The following PGM1 variants were observed in gnomAD, a reference collection of about 807,000 sequenced individuals.
PGM1 encodes phosphoglucomutase 1, also known as phosphoglucomutase-1.
In PGM1, 52 loss-of-function variants were observed where a neutral mutation model predicts 55.6. The observed-to-expected ratio is 0.94, with a 90% CI of 0.75 to 1.18. The LOEUF (loss-of-function observed/expected upper bound fraction) is 1.18, where lower values mean the gene tolerates loss of function less well. PGM1 is among the 50% of genes most tolerant of loss of function. The pLI, the probability that PGM1 is intolerant of heterozygous loss-of-function variation, is 0.00. For synonymous variants in PGM1, 287 were observed against 271.7 expected (o/e 1.06, Z -0.55); for missense variants, 724 against 729.3 (o/e 0.99, Z 0.08).
chr1:63,601,382 G>A (rs1436567983), intron 1 of PGM1, among the ~76,000 whole-genome samples: 1 of 152,216 alleles, frequency 6.6e-6, no homozygotes. Flanking sequence ...TCACAGTGGT[G>A]TAGTCTGGAC....
At chr1:63,626,411 A>AC (rs1334691866) in intron 1 of PGM1, among the ~76,000 whole-genome samples, 1 of 152,060 alleles carries the variant, frequency 6.6e-6, no homozygotes, top group Non-Finnish European at 1.5e-5. Context: ...CCTCTGTACT[A>AC]CTTTCTGTCT....
intron 4 of PGM1, among the ~76,000 whole-genome samples, chr1:63,633,675 C>CT (rs200102674): frequency 0.094 from 13,780 of 147,024 alleles, 691 homozygotes; most frequent in African/African-American, 0.13. Context: ...TTTTTATTTT[C>CT]TTTTTTTTTT....
intron 1 of PGM1, among the ~76,000 whole-genome samples, chr1:63,610,973 G>A (rs860606): frequency 0.78 from 118,005 of 152,000 alleles, 46,295 homozygotes; most frequent in South Asian, 0.89. Context: ...TGGTTCTGGT[G>A]AATAGTTGAT....
At chr1:63,626,383 C>A (rs1649015703) in intron 1 of PGM1, among the ~76,000 whole-genome samples, 1 of 152,154 alleles carries the variant, frequency 6.6e-6, no homozygotes, top group South Asian at 2.1e-4. Flanking sequence ...CATTTCCACT[C>A]CCACCAGCCT....
chr1:63,633,759 C>T (rs1396804069), intron 4 of PGM1, among the ~76,000 whole-genome samples: 1 of 150,596 alleles, frequency 6.6e-6, no homozygotes, highest in Non-Finnish European at 1.5e-5. Flanking sequence ...CCTCCGCCTC[C>T]GAAGTTCAAG....
At position 63,629,546 on chromosome 1, in the gene PGM1, C is replaced by T. The variant is rs753658892; in HGVS notation, c.368C>T (p.Pro123Leu). 3 of 1,613,848 alleles carry T rather than the reference C, an allele frequency of 1.9e-6. No homozygotes were observed. Among genetic ancestry groups the T allele is most frequent in the Non-Finnish European group, 1.7e-6 (2 of 1,179,836 alleles). The change falls in exon 2 of 11, where the codon CCC (proline) becomes CTC (leucine). Residue 123 changes from proline to leucine, a missense_variant. Pro to Leu is a moderately conservative substitution (Grantham distance 98). This residue lies in a region of PGM1 where 379 missense variants were observed against 357.5 expected (regional missense o/e 1.06). Transcript: ENST00000371084. Reference protein sequence around the residue: ...ILTASHNPGGPNGDFGIKFNI... With the variant: ...ILTASHNPGGLNGDFGIKFNI... ...ACAGCCAGTCACAACCCAGGGGGCC[C>T]CAATGGAGATTTTGGAATCAAATTC...
chr1:63,612,656 T>C (rs1024878590), intron 1 of PGM1, among the ~76,000 whole-genome samples: 3 of 152,188 alleles, frequency 2.0e-5, no homozygotes, highest in African/African-American at 7.2e-5. Context: ...GCAGTTATCC[T>C]GGGAAGCAAT....
At chr1:63,628,094 A>T (rs560214220) in intron 1 of PGM1, among the ~76,000 whole-genome samples, 141 of 152,324 alleles carry the variant, frequency 9.3e-4, no homozygotes, top group Non-Finnish European at 1.6e-3. Context: ...TCATGTTTGC[A>T]GTGGTACTTG....
chr1:63,651,651 C>T lies in PGM1; in HGVS notation c.1281-18C>T, dbSNP rs1054195661. On this transcript the variant is annotated intron_variant, in intron 8 of 10. Coordinates refer to ENST00000371084, the MANE Select transcript of PGM1 (RefSeq NM_002633.3). ...TCTGCAGTCAGCCCGTGGGCCTCAA[C>T]TTCGTGACTTCTTCCAGGTATGATT... 2.5e-6 allele frequency: 4 copies of T among 1,612,536 alleles called. No homozygotes were observed. Among genetic ancestry groups the T allele is most frequent in the African/African-American group, 2.7e-5 (2 of 74,896 alleles).
intron 7 of PGM1, among the ~76,000 whole-genome samples, chr1:63,647,256 TTACATATATATATATATATATATA>T (rs1203259983): frequency 0.04 from 2,068 of 51,584 alleles, 120 homozygotes; most frequent in African/African-American, 0.071. Flanking sequence ...AAATAAAATT[TTACATATATATATATATATATATA>T]TATATATATA....
chr1:63,654,932 T>C (rs1157260182), intron 10 of PGM1, among the ~76,000 whole-genome samples: 1 of 151,580 alleles, frequency 6.6e-6, no homozygotes, highest in Non-Finnish European at 1.5e-5. Flanking sequence ...CAACAGTTAA[T>C]AGGTTTACAT....
chr1:63,629,383 T>A, intron 1 of PGM1, 42 bp from the exon 2 acceptor site: 1 of 1,563,084 alleles, frequency 6.4e-7, no homozygotes, highest in Non-Finnish European at 8.8e-7. Flanking sequence ...TGACTCTGGA[T>A]GTATTGATGT....
intron 1 of PGM1, among the ~76,000 whole-genome samples, chr1:63,601,566 T>G (rs1158117554): frequency 1.3e-5 from 2 of 152,160 alleles, no homozygotes; most frequent in African/African-American, 4.8e-5. Context: ...ACAGTTGGGA[T>G]CCACCTTTGA....
At chr1:63,623,259 T>C in intron 1 of PGM1, 1 of 1,416,180 alleles carries the variant, frequency 7.1e-7, no homozygotes, top group Non-Finnish European at 9.2e-7. Flanking sequence ...TGCGAGTGGG[T>C]GTGTGGCCCT....
intron 6 of PGM1, among the ~76,000 whole-genome samples, chr1:63,637,982 C>T (rs1649406941): frequency 6.8e-6 from 1 of 146,394 alleles, no homozygotes; most frequent in African/African-American, 2.6e-5. Context: ...TATCAGGTAA[C>T]TTTTCATGTT....
At chr1:63,597,243 A>C (rs1648103397) in intron 1 of PGM1, among the ~76,000 whole-genome samples, 1 of 152,140 alleles carries the variant, frequency 6.6e-6, no homozygotes, top group Non-Finnish European at 1.5e-5. Flanking sequence ...GAGTTCCCAG[A>C]GTGGGTTTGT....
chr1:63,651,303 A>C (rs72922624), intron 8 of PGM1: 4,289 of 258,510 alleles, frequency 0.017, 172 homozygotes, highest in African/African-American at 0.091. Flanking sequence ...TCCTTTCAAG[A>C]GAGTTCTCCA....
chr1:63,598,269 G>C (rs150235300), intron 1 of PGM1, among the ~76,000 whole-genome samples: 2 of 152,166 alleles, frequency 1.3e-5, no homozygotes, highest in Non-Finnish European at 2.9e-5. Flanking sequence ...GTGAGCCATC[G>C]TGCCGGGCAG....
intron 1 of PGM1, among the ~76,000 whole-genome samples, chr1:63,621,751 T>C (rs1407150366): frequency 6.6e-6 from 1 of 152,172 alleles, no homozygotes; most frequent in Admixed American, 6.5e-5. Flanking sequence ...AATAGATGTG[T>C]TTTGTGAATT....
Sources: allele counts gnomAD v4.1 joint callset (sites outside exome capture counted in the v4.1 genomes callset), GRCh38; gene constraint gnomAD v4.1.1; regional missense constraint gnomAD v4.1.1; transcripts MANE v1.5; gene names NCBI Gene and HGNC (gene_info 2026-07-23, HGNC 2026-07-21).